The following EPS15 variants were observed in gnomAD, a reference collection of about 807,000 sequenced individuals.
EPS15 encodes epidermal growth factor receptor pathway substrate 15, also known as epidermal growth factor receptor substrate 15.
A neutral mutation model predicts 113.8 loss-of-function variants in EPS15; 72 were observed. That is an observed-to-expected ratio of 0.63 (90% confidence interval 0.52 to 0.77). The LOEUF is 0.77. EPS15 is among the 30% of genes least tolerant of loss of function. The pLI, the probability that EPS15 is intolerant of heterozygous loss-of-function variation, is 0.00. For synonymous variants in EPS15, 344 were observed against 363.4 expected (o/e 0.95, Z 0.61); for missense variants, 1,048 against 1,045.8 (o/e 1.00, Z -0.03).
chr1:51,469,305 A>G (rs1019416054), intron 4 of EPS15, among the ~76,000 whole-genome samples: 5 of 152,210 alleles, frequency 3.3e-5, no homozygotes, highest in Non-Finnish European at 7.3e-5. Context: ...CTGGAACAGT[A>G]ATTCAAATGA....
At chr1:51,388,814 T>C (rs942517013) in intron 21 of EPS15, among the ~76,000 whole-genome samples, 1 of 152,140 alleles carries the variant, frequency 6.6e-6, no homozygotes, top group Admixed American at 6.5e-5. Flanking sequence ...TCTGAAATTG[T>C]GGCAATAATC....
chr1:51,431,618 G>C (rs1651744931), intron 12 of EPS15, among the ~76,000 whole-genome samples: 1 of 151,918 alleles, frequency 6.6e-6, no homozygotes, highest in Non-Finnish European at 1.5e-5. Context: ...ACTAATTTTT[G>C]TATTTTTACT....
At chr1:51,490,764 T>G (rs534653909) in intron 1 of EPS15, among the ~76,000 whole-genome samples, 54 of 152,206 alleles carry the variant, frequency 3.5e-4, no homozygotes, top group African/African-American at 1.2e-3. Context: ...AAGTCTTTAT[T>G]TTGATTACGC....
At position 51,490,330 on chromosome 1, in the gene EPS15, C is replaced by A. The variant is rs146648464; in HGVS notation, c.34-9016G>T. The A allele has an allele frequency of 4.4e-3, 1,938 of 440,706 alleles. 8 individuals are homozygous for A. The highest frequency in any genetic ancestry group is 7.2e-3 in the Non-Finnish European group (1,593 of 220,468). 27.3% of individuals were successfully genotyped at this position (440,706 alleles called of 1,614,324 possible). On this transcript the variant is annotated intron_variant, in intron 1 of 24. Transcript: ENST00000371733. ...CCTATAATCCCAGCACTCTGGGCGG[C>A]CAAAGCGGGCAAATCACGAGGTCAG...
At chr1:51,489,990 CTTGT>C (rs1644202022) in intron 1 of EPS15, among the ~76,000 whole-genome samples, 2 of 152,128 alleles carry the variant, frequency 1.3e-5, no homozygotes, top group African/African-American at 2.4e-5. Flanking sequence ...CATATTTTGG[CTTGT>C]TTCTTAGTGC....
intron 24 of EPS15, among the ~76,000 whole-genome samples, chr1:51,360,729 C>T (rs1342629526): frequency 1.3e-5 from 2 of 152,088 alleles, no homozygotes; most frequent in Non-Finnish European, 2.9e-5. Context: ...TATTTGCTGA[C>T]TGGTCTCCAG....
chr1:51,440,284 T>C (rs748650420), intron 12 of EPS15, 63 bp downstream of exon 12: 8,051 of 531,444 alleles, frequency 0.015, 48 homozygotes, highest in African/African-American at 0.038. Context: ...GTACTGTGTG[T>C]GTGTGTGTGT....
chr1:51,508,626 A>G (rs1466574121), intron 1 of EPS15, among the ~76,000 whole-genome samples: 1 of 152,168 alleles, frequency 6.6e-6, no homozygotes, highest in Non-Finnish European at 1.5e-5. Context: ...AACTTCTCTC[A>G]GTGTCCCTGG....
intron 1 of EPS15, among the ~76,000 whole-genome samples, chr1:51,494,163 T>C (rs1644289406): frequency 1.3e-5 from 2 of 152,182 alleles, no homozygotes; most frequent in Non-Finnish European, 2.9e-5. Flanking sequence ...AGTGAACACA[T>C]ATATTATGTC....
intron 24 of EPS15, among the ~76,000 whole-genome samples, chr1:51,359,568 T>C (rs894802657): frequency 1.3e-5 from 2 of 150,886 alleles, no homozygotes; most frequent in African/African-American, 4.9e-5. Flanking sequence ...AAGACCAGCC[T>C]GACCAACATG....
intron 8 of EPS15, among the ~76,000 whole-genome samples, chr1:51,449,145 T>TCC (rs1653320335): frequency 6.6e-6 from 1 of 152,186 alleles, no homozygotes; most frequent in African/African-American, 2.4e-5. Context: ...ACACATATGT[T>TCC]CATCACAGCA....
chr1:51,487,177 A>T (rs72691876), intron 1 of EPS15, among the ~76,000 whole-genome samples: 3,334 of 152,322 alleles, frequency 0.022, 31 homozygotes, highest in Middle Eastern at 0.034. Flanking sequence ...GAAAAAATTA[A>T]AACTAGTAAA....
chr1:51,382,528 C>T (rs1424096171), intron 21 of EPS15: 2 of 150,732 alleles, frequency 1.3e-5, no homozygotes, highest in Non-Finnish European at 2.9e-5. Flanking sequence ...AAGAGATTCT[C>T]CTATCTCAGT....
At position 51,444,970 on chromosome 1, in the gene EPS15, C is replaced by G. The variant is rs2148479596; in HGVS notation, c.873G>C (p.Gln291His). 1 of 1,614,022 alleles carries G rather than the reference C, an allele frequency of 6.2e-7. No homozygotes were observed. The highest frequency in any genetic ancestry group is 1.1e-5 in the South Asian group (1 of 91,074). Reference protein sequence around the residue: ...QFALAFHLISQKLIKGIDPPH... With the variant: ...QFALAFHLISHKLIKGIDPPH... ...GAGGATCAATGCCCTTGATTAACTT[C>G]TGACTGATTAAGTGAAAAGCCAAGG... The change falls in exon 11 of 25, where the codon CAG becomes CAC. Residue 291 changes from glutamine to histidine, a missense_variant. Coordinates refer to ENST00000371733, the MANE Select transcript of EPS15 (RefSeq NM_001981.3).
chr1:51,445,122 GCTT>G, intron 10 of EPS15, 77 bp from the exon 11 acceptor site: 3 of 1,339,598 alleles, frequency 2.2e-6, no homozygotes, highest in Non-Finnish European at 3.1e-6. Flanking sequence ...CCACTATGCA[GCTT>G]TTTTAAAATA....
At chr1:51,507,763 G>GA (rs764939686) in intron 1 of EPS15, among the ~76,000 whole-genome samples, 21 of 151,488 alleles carry the variant, frequency 1.4e-4, no homozygotes, top group Non-Finnish European at 2.8e-4. Context: ...ACTACATTTG[G>GA]AAAAAAAAGA....
intron 20 of EPS15, among the ~76,000 whole-genome samples, chr1:51,396,105 A>T (rs1260845774): frequency 2.0e-5 from 3 of 152,254 alleles, no homozygotes; most frequent in African/African-American, 4.8e-5. Flanking sequence ...GATAAAAAGT[A>T]ATGATAGTAT....
chr1:51,395,553 T>C (rs769647059), intron 20 of EPS15, among the ~76,000 whole-genome samples: 5 of 152,024 alleles, frequency 3.3e-5, no homozygotes, highest in South Asian at 2.1e-4. Flanking sequence ...TACACAAAGA[T>C]AGCTTTTTGC....
intron 8 of EPS15, among the ~76,000 whole-genome samples, chr1:51,450,067 G>A (rs1437929371): frequency 1.3e-5 from 2 of 151,720 alleles, no homozygotes; most frequent in African/African-American, 2.4e-5. Flanking sequence ...TCAAGAGATG[G>A]CCAAGGAGGT....
Sources: gnomAD v4.1 joint callset for allele counts (sites outside exome capture counted in the v4.1 genomes callset) on GRCh38, gnomAD v4.1.1 for gene constraint, MANE v1.5 for transcripts, NCBI Gene and HGNC (gene_info 2026-07-23, HGNC 2026-07-21) for gene names.